Variants in SLC39A11 observed in about 807,000 individuals in gnomAD.
SLC39A11 encodes the protein solute carrier family 39 member 11.
Under a neutral mutation model 36.1 loss-of-function variants are expected in SLC39A11, and 33 were observed. That is an observed-to-expected ratio of 0.91 (90% CI 0.69 to 1.22). The LOEUF is 1.22. Ranked by LOEUF, SLC39A11 falls within the 50% of genes most tolerant of loss-of-function variation. The probability of loss-of-function intolerance (pLI) is 0.00; values close to 1 mark genes in which losing one functional copy is unlikely to be tolerated. For synonymous variants in SLC39A11, 166 were observed against 170.3 expected, an observed-to-expected ratio of 0.97 and a Z score of 0.20; for missense variants, 432 against 430.3, an observed-to-expected ratio of 1.00 and a Z score of -0.03.
chr17:73,017,432 G>A (rs918470625), intron 4 of SLC39A11, among the ~76,000 whole-genome samples: 2 of 152,170 alleles, frequency 1.3e-5, no homozygotes, highest in Non-Finnish European at 2.9e-5. Flanking sequence ...CAGGATGCTG[G>A]CCAGGAGTGG....
chr17:72,814,808 G>C (rs1199418206), intron 6 of SLC39A11, among the ~76,000 whole-genome samples: 1 of 152,178 alleles, frequency 6.6e-6, no homozygotes, highest in African/African-American at 2.4e-5. Flanking sequence ...CCATGAAGAG[G>C]CTCTGAAGAG....
At chr17:72,927,357 C>T (rs2084109037) in intron 5 of SLC39A11, among the ~76,000 whole-genome samples, 1 of 152,200 alleles carries the variant, frequency 6.6e-6, no homozygotes, top group South Asian at 2.1e-4. Context: ...TCACTGCGCC[C>T]AGTCCCAGCC....
At chr17:72,663,882 A>G (rs1226303985) in intron 7 of SLC39A11, 1 of 152,500 alleles carries the variant, frequency 6.6e-6, no homozygotes, top group Non-Finnish European at 1.5e-5. Flanking sequence ...GCAAACCACT[A>G]ACAATGTTTC....
intron 6 of SLC39A11, among the ~76,000 whole-genome samples, chr17:72,769,525 C>T (rs1468806348): frequency 6.6e-6 from 1 of 152,136 alleles, no homozygotes; most frequent in African/African-American, 2.4e-5. Flanking sequence ...CCTCTGCTCA[C>T]TGAGATAGAT....
chr17:73,041,768 C>T (rs1328529763), intron 3 of SLC39A11, among the ~76,000 whole-genome samples: 1 of 152,234 alleles, frequency 6.6e-6, no homozygotes, highest in Non-Finnish European at 1.5e-5. Flanking sequence ...TTGTAAATCA[C>T]AGCCTTAACA....
chr17:72,822,325 TAGAG>T (rs747098688), intron 6 of SLC39A11, among the ~76,000 whole-genome samples: 2 of 144,090 alleles, frequency 1.4e-5, no homozygotes, highest in East Asian at 2.0e-4. Flanking sequence ...AATATATATA[TAGAG>T]AGAGAGAGAG....
chr17:72,979,298 C>A (rs895865293), intron 4 of SLC39A11, among the ~76,000 whole-genome samples: 1 of 152,174 alleles, frequency 6.6e-6, no homozygotes. Flanking sequence ...GTCAATTAAA[C>A]CTCCTTCCTT....
At chr17:72,905,630 C>A (rs1024768130) in intron 5 of SLC39A11, among the ~76,000 whole-genome samples, 4 of 152,026 alleles carry the variant, frequency 2.6e-5, no homozygotes, top group African/African-American at 9.7e-5. Flanking sequence ...CTCTCTTGGT[C>A]ACCCAGGCTG....
Position 73,083,015 on chromosome 17 carries a change from C to CAAAAAAAAAA in SLC39A11, c.147+1783_147+1792dup, listed in dbSNP as rs34607510. 3.3e-5 allele frequency among the ~76,000 whole-genome samples: 3 copies of CAAAAAAAAAA among 89,784 alleles called. 1 individual carries two copies. Among genetic ancestry groups the CAAAAAAAAAA allele is most frequent in the Non-Finnish European group, 2.0e-5 (1 of 48,842 alleles). 58.9% of individuals were successfully genotyped at this position (89,784 alleles called of 152,430 possible). On this transcript the variant is annotated intron_variant, in intron 3 of 9. Coordinates refer to ENST00000255559, the MANE Select transcript of SLC39A11 (RefSeq NM_139177.4). ...TGGACAACAGAGGGAGACTCCATTTCAAAAAAAAAAAAAAAAAAAATGGAC... is the reference window on the plus strand; with the variant it reads ...TGGACAACAGAGGGAGACTCCATTTCAAAAAAAAAAAAAAAAAAAAAAAAAAAAAATGGAC...
chr17:72,898,519 ACTT>A (rs1009000859), intron 5 of SLC39A11, among the ~76,000 whole-genome samples: 2 of 152,122 alleles, frequency 1.3e-5, no homozygotes, highest in African/African-American at 4.8e-5. Context: ...ATGGTGAAAA[ACTT>A]CTGCTGTGAC....
intron 6 of SLC39A11, among the ~76,000 whole-genome samples, chr17:72,831,268 A>G (rs921323677): frequency 6.6e-6 from 1 of 152,184 alleles, no homozygotes; most frequent in Non-Finnish European, 1.5e-5. Flanking sequence ...AATAAGAGGG[A>G]GAGAAGAGAG....
intron 5 of SLC39A11, among the ~76,000 whole-genome samples, chr17:72,897,251 C>A (rs1417073072): frequency 6.6e-6 from 1 of 151,964 alleles, no homozygotes; most frequent in Admixed American, 6.6e-5. Context: ...TGCTGGACAT[C>A]GGAGGTGGGA....
At chr17:72,659,423 G>A (rs1252571692) in intron 7 of SLC39A11, among the ~76,000 whole-genome samples, 6 of 152,112 alleles carry the variant, frequency 3.9e-5, no homozygotes, top group Admixed American at 1.3e-4. Context: ...CAGAAAGAAG[G>A]AACAGAGAAA....
At chr17:73,076,704 C>T (rs1304298289) in intron 3 of SLC39A11, among the ~76,000 whole-genome samples, 9 of 152,090 alleles carry the variant, frequency 5.9e-5, no homozygotes, top group African/African-American at 2.2e-4. Context: ...ACACTCACTA[C>T]GTGTGCCTAA....
At chr17:72,846,418 G>A (rs2079058735) in intron 6 of SLC39A11, among the ~76,000 whole-genome samples, 1 of 152,200 alleles carries the variant, frequency 6.6e-6, no homozygotes, top group Non-Finnish European at 1.5e-5. Flanking sequence ...ACACAGAATA[G>A]GGTCTCCTGT....
chr17:72,951,702 T>C (rs1006120893), intron 4 of SLC39A11, among the ~76,000 whole-genome samples: 2 of 152,122 alleles, frequency 1.3e-5, no homozygotes, highest in Admixed American at 6.5e-5. Flanking sequence ...ACCTAGCCCA[T>C]ATAATACAGG....
intron 7 of SLC39A11, among the ~76,000 whole-genome samples, chr17:72,681,556 C>T (rs76158862): frequency 0.017 from 2,553 of 152,244 alleles, 23 homozygotes; most frequent in Middle Eastern, 0.037. Flanking sequence ...CTATCACAGC[C>T]GCAGACATCT....
At chr17:72,736,748 G>T (rs762709403) in intron 6 of SLC39A11, 29 bp from the exon 7 acceptor site, 2 of 1,574,252 alleles carry the variant, frequency 1.3e-6, no homozygotes, top group African/African-American at 1.4e-5. Context: ...AAGCAAGAGG[G>T]GTTAGGAATA....
chr17:72,717,118 GTATATA>G (rs146535007), intron 7 of SLC39A11, among the ~76,000 whole-genome samples: 1 of 120,906 alleles, frequency 8.3e-6, no homozygotes, highest in African/African-American at 3.6e-5. Flanking sequence ...ATGTATATAT[GTATATA>G]TGTATATACT....
Sources: allele counts gnomAD v4.1 joint callset (sites outside exome capture counted in the v4.1 genomes callset), GRCh38; gene constraint gnomAD v4.1.1; transcripts MANE v1.5; gene names NCBI Gene and HGNC (gene_info 2026-07-23, HGNC 2026-07-21).